Variants in RSPH6A observed in about 807,000 individuals in gnomAD.
RSPH6A encodes radial spoke head protein 6 homolog A.
In RSPH6A, 49 loss-of-function variants were observed where a neutral mutation model predicts 66.1. The observed-to-expected ratio is 0.74, with a 90% CI of 0.59 to 0.94. The LOEUF (loss-of-function observed/expected upper bound fraction) is 0.94, where lower values mean the gene tolerates loss of function less well. Ranked by LOEUF, RSPH6A falls within the 40% of genes least tolerant of loss-of-function variation. The pLI is 0.00. For missense variants in RSPH6A, 977 were observed against 948.3 expected (o/e 1.03, Z -0.40); for synonymous variants, 419 against 402.4 (o/e 1.04, Z -0.49).
At position 45,814,871 on chromosome 19, in the gene RSPH6A, A is replaced by C. The variant is rs560770177; in HGVS notation, c.306T>G (p.Pro102=). ...TGFPSEFQPQ[P]YSDESRMQVA... ...CCTGCATCCTGCTTTCATCAGAGTA[A>C]GGCTGAGGCTGGAACTCTGAGGGAA... is the stretch of plus-strand genomic sequence containing the variant. The change falls in exon 1 of 6, where the codon CCT becomes CCG. Residue 102 remains proline, a synonymous_variant. Coordinates refer to ENST00000221538, the MANE Select transcript of RSPH6A (RefSeq NM_030785.4). 160 of 1,613,914 alleles carry C rather than the reference A, an allele frequency of 9.9e-5. 1 individual carries two copies. The highest frequency in any genetic ancestry group is 1.3e-4 in the Non-Finnish European group (156 of 1,179,966).
intron 1 of RSPH6A, 85 bp from the exon 2 acceptor site, chr19:45,810,925 TGGTGCTGG>T (rs1052324317): frequency 1.8e-6 from 2 of 1,119,758 alleles, no homozygotes; most frequent in Admixed American, 2.2e-5. Context: ...GCCCTGTGCC[TGGTGCTGG>T]GGACACAGTA....
intron 2 of RSPH6A, among the ~76,000 whole-genome samples, chr19:45,810,201 G>A (rs987743438): frequency 1.1e-4 from 16 of 151,764 alleles, no homozygotes; most frequent in Admixed American, 7.2e-4. Context: ...ACAGAGTCTC[G>A]CTCTGTTGCC....
chr19:45,813,420 T>C (rs1322675009), intron 1 of RSPH6A, among the ~76,000 whole-genome samples: 2 of 152,106 alleles, frequency 1.3e-5, no homozygotes, highest in African/African-American at 4.8e-5. Context: ...CTCGGCTCAC[T>C]GCAACCTCTG....
chr19:45,804,721 T>C lies in RSPH6A; in HGVS notation c.1184A>G (p.Asp395Gly), dbSNP rs115167023. 1.8e-3 allele frequency: 2,880 copies of C among 1,613,562 alleles called. 49 individuals carry two copies. The African/African-American group carries it at 0.033, about 18-fold the overall frequency. ...GACGATGTCCACGGCCTTCTCCTCG[T>C]CCTCCTCGCCCTCCTCCTCGCCGTG... ...EAHGEEEGEE[D>G]EEKAVDIVPK... Residue 395 changes from aspartate to glycine, a missense_variant, in exon 3 of 6, where the codon GAC (aspartate) becomes GGC (glycine). By Grantham distance (94) the Asp-to-Gly change is moderately conservative. Coordinates refer to ENST00000221538, the MANE Select transcript of RSPH6A (RefSeq NM_030785.4). This position sits in a 1 kb window ranked among gnomAD's most constrained non-coding sequence, Gnocchi z 5.8.
At chr19:45,814,497 C>A in intron 1 of RSPH6A, 30 bp downstream of exon 1, 1 of 1,445,170 alleles carries the variant, frequency 6.9e-7, no homozygotes, top group South Asian at 1.6e-5. Context: ...CCTGGGTCCC[C>A]CACCCGCCCC....
intron 5 of RSPH6A, among the ~76,000 whole-genome samples, chr19:45,797,541 T>C (rs1270525339): frequency 2.6e-5 from 4 of 152,146 alleles, no homozygotes; most frequent in African/African-American, 9.6e-5. Context: ...GGGACATAAA[T>C]AAAATTGTCT....
At chr19:45,807,999 A>G (rs951510408) in intron 2 of RSPH6A, among the ~76,000 whole-genome samples, 1 of 152,198 alleles carries the variant, frequency 6.6e-6, no homozygotes, top group Non-Finnish European at 1.5e-5. Flanking sequence ...AAAAATGACC[A>G]ACTCATCCAA....
chr19:45,806,400 C>G (rs2146286309), intron 2 of RSPH6A, among the ~76,000 whole-genome samples: 1 of 152,094 alleles, frequency 6.6e-6, no homozygotes, highest in South Asian at 2.1e-4. Context: ...TGGCTGGGCG[C>G]AGTGATTCAC....
chr19:45,811,721 C>A (rs112263997), intron 1 of RSPH6A, among the ~76,000 whole-genome samples: 11,970 of 148,392 alleles, frequency 0.081, 618 homozygotes, highest in Non-Finnish European at 0.099. Flanking sequence ...CAGGCGTGAG[C>A]CACCGCACCT....
At chr19:45,803,819 C>T (rs1366472037) in intron 3 of RSPH6A, among the ~76,000 whole-genome samples, 2 of 151,154 alleles carry the variant, frequency 1.3e-5, no homozygotes, top group African/African-American at 4.9e-5. Flanking sequence ...ACAGTGAAAC[C>T]TCATCTCTAC....
Position 45,815,064 on chromosome 19 carries a change from G to C in RSPH6A, c.113C>G (p.Ala38Gly). ...HSRDQAQALAADPEERQQIPP... is the reference protein window; with the variant it reads ...HSRDQAQALAGDPEERQQIPP... Reference sequence around the variant, plus strand: ...TATCTGCTGCCTCTCCTCGGGGTCCGCTGCCAGGGCCTGAGCTTGGTCCCG... The same window carrying C: ...TATCTGCTGCCTCTCCTCGGGGTCCCCTGCCAGGGCCTGAGCTTGGTCCCG... Residue 38 changes from alanine (A) to glycine (G), a missense_variant, in exon 1 of 6, where the codon GCG becomes GGG. Coordinates refer to ENST00000221538, the MANE Select transcript of RSPH6A (RefSeq NM_030785.4). The C allele has an allele frequency of 6.2e-7, 1 of 1,613,508 alleles. No individual in the cohort carries two copies. Among genetic ancestry groups the C allele is most frequent in the Non-Finnish European group, 8.5e-7 (1 of 1,180,024 alleles).
chr19:45,802,181 C>A lies in RSPH6A; in HGVS notation c.1737G>T (p.Gly579=). The change falls in exon 4 of 6, where the codon GGG becomes GGT. Residue 579 remains glycine, a synonymous_variant. Coordinates refer to ENST00000221538, the MANE Select transcript of RSPH6A (RefSeq NM_030785.4). The stretch of plus-strand genomic sequence containing the variant: ...CAACCTCCTGCTCCACCTCCTCTGG[C>A]CCCTCATCTGCCTTCTCTTCCTCCT... ...LGEEEEKADE[G]PEEVEQEVGP... 6.4e-7 allele frequency: 1 copy of A among 1,559,184 alleles called. No homozygotes were observed. Among genetic ancestry groups the A allele is most frequent in the South Asian group, 1.2e-5 (1 of 84,210 alleles).
chr19:45,803,678 A>AAAAAG (rs1970500641), intron 3 of RSPH6A, among the ~76,000 whole-genome samples: 6 of 142,250 alleles, frequency 4.2e-5, no homozygotes, highest in East Asian at 4.0e-4. Flanking sequence ...ATTCTGTCTC[A>AAAAAG]AAAAGAAAAG....
intron 3 of RSPH6A, 22 bp from the exon 4 acceptor site, chr19:45,802,286 G>A (rs1000906417): frequency 3.0e-6 from 4 of 1,349,304 alleles, no homozygotes; most frequent in Non-Finnish European, 3.9e-6. Context: ...GGGAAGCTCA[G>A]GTGATGGCCC....
rs373915113 is a variant in RSPH6A, at chr19:45,804,590, T to C, written c.1315A>G (p.Thr439Ala). ...GCTGGAGTGACGTGGGGCAGCCGCGTCCATGGCAGGCCCGGCTCGTTGCAC... is the reference window on the plus strand; with the variant it reads ...GCTGGAGTGACGTGGGGCAGCCGCGCCCATGGCAGGCCCGGCTCGTTGCAC... ...FVCNEPGLPWTRLPHVTPAQI... is the reference protein window; with the variant it reads ...FVCNEPGLPWARLPHVTPAQI... The change falls in exon 3 of 6, where the codon ACG (threonine) becomes GCG (alanine). Residue 439 changes from threonine to alanine, a missense_variant. Thr to Ala is a moderately conservative substitution (Grantham distance 58). Transcript: ENST00000221538. The surrounding 1 kb of genome is among the most constrained non-coding windows in gnomAD (Gnocchi z 5.8). The C allele has an allele frequency of 1.1e-5, 18 of 1,614,010 alleles. No individual in the cohort carries two copies. Among genetic ancestry groups the C allele is most frequent in the Admixed American group, 1.7e-5 (1 of 59,998 alleles).
intron 2 of RSPH6A, 73 bp from the exon 3 acceptor site, chr19:45,805,089 C>T (rs1970526916): frequency 7.5e-7 from 1 of 1,334,586 alleles, no homozygotes; most frequent in Non-Finnish European, 1.0e-6. Context: ...CTTCCAGACT[C>T]TTCTAGAGTC....
intron 4 of RSPH6A, 26 bp downstream of exon 4, chr19:45,802,094 T>C (rs1444278699): frequency 1.3e-5 from 18 of 1,429,196 alleles, no homozygotes; most frequent in Admixed American, 2.1e-5. Flanking sequence ...CAGCCAGTGG[T>C]GTACAGGCTG....
In RSPH6A at chr19:45,810,726, C is replaced by G; in HGVS notation, c.765G>C (p.Lys255Asn). 1 of 1,614,186 alleles carries G rather than the reference C, an allele frequency of 6.2e-7. No individual in the cohort carries two copies. Among genetic ancestry groups the G allele is most frequent in the African/African-American group, 1.3e-5 (1 of 75,046 alleles). ...RTTQWEWFHP[K>N]LDTLRDDPEM... ...CGGGGTCGTCCCGCAGCGTGTCCAGCTTGGGGTGGAACCACTCCCACTGCG... is the reference window on the plus strand; with the variant it reads ...CGGGGTCGTCCCGCAGCGTGTCCAGGTTGGGGTGGAACCACTCCCACTGCG... Residue 255 changes from lysine (K) to asparagine (N), a missense_variant, in exon 2 of 6, where the codon AAG (lysine) becomes AAC (asparagine). Lys to Asn is a moderately conservative substitution (Grantham distance 94, BLOSUM62 0). Coordinates refer to ENST00000221538, the MANE Select transcript of RSPH6A (RefSeq NM_030785.4).
chr19:45,806,628 A>C (rs1034983368), intron 2 of RSPH6A, among the ~76,000 whole-genome samples: 2 of 115,096 alleles, frequency 1.7e-5, no homozygotes, highest in East Asian at 6.3e-4. Flanking sequence ...TGGAGATTGC[A>C]CCACTGCACT....
Sources: gnomAD v4.1 joint callset for allele counts (sites outside exome capture counted in the v4.1 genomes callset) on GRCh38, gnomAD v4.1.1 for gene constraint, Gnocchi (gnomAD v3.1) non-coding constraint, MANE v1.5 for transcripts, NCBI Gene and HGNC (gene_info 2026-07-23, HGNC 2026-07-21) for gene names.